Variants in CPQ observed in about 807,000 individuals in gnomAD.
CPQ encodes carboxypeptidase Q, also known as Ser-Met dipeptidase.
CPQ carries 37 observed loss-of-function variants against 45.7 expected under a neutral mutation model. The ratio of observed to expected loss-of-function variants is 0.81; its 90% CI spans 0.62 to 1.07. The LOEUF is 1.07. Ranked by LOEUF, CPQ falls within the 50% of genes least tolerant of loss-of-function variation. The pLI is 0.00. For missense variants in CPQ, 537 were observed against 572.9 expected, an observed-to-expected ratio of 0.94 and a Z score of 0.64; for synonymous variants, 186 against 205.8, an observed-to-expected ratio of 0.90 and a Z score of 0.82.
At position 97,143,217 on chromosome 8, in the gene CPQ, G is replaced by T; in HGVS notation, c.*34G>T. On this transcript the variant is annotated 3_prime_UTR_variant, in exon 8 of 8. Transcript: ENST00000220763. ...AGAAAGAAACGTTTTCATGCTTCTGGCCAGGAATCCTGGGTCTGCAACTTT... is the reference window on the plus strand; with the variant it reads ...AGAAAGAAACGTTTTCATGCTTCTGTCCAGGAATCCTGGGTCTGCAACTTT... 6.2e-7 allele frequency: 1 copy of T among 1,608,022 alleles called. No homozygotes were observed. Among genetic ancestry groups the T allele is most frequent in the Non-Finnish European group, 8.5e-7 (1 of 1,176,630 alleles).
intron 1 of CPQ, among the ~76,000 whole-genome samples, chr8:96,672,674 A>C (rs745890590): frequency 4.6e-5 from 7 of 151,972 alleles, no homozygotes; most frequent in Non-Finnish European, 1.0e-4. Flanking sequence ...GATACTCTGG[A>C]GGCTGAGGCA....
chr8:96,777,365 C>T (rs1473724492), intron 1 of CPQ, among the ~76,000 whole-genome samples: 2 of 151,806 alleles, frequency 1.3e-5, no homozygotes, highest in African/African-American at 2.4e-5. Flanking sequence ...TAGAGTGCTG[C>T]AACAGGAGAC....
chr8:96,899,058 G>A (rs1177707393), intron 4 of CPQ, among the ~76,000 whole-genome samples: 1 of 152,022 alleles, frequency 6.6e-6, no homozygotes, highest in African/African-American at 2.4e-5. Context: ...ATGTCCAGGA[G>A]GCATCTAAGT....
At chr8:96,884,962 C>T (rs1001436040) in intron 4 of CPQ, among the ~76,000 whole-genome samples, 1 of 152,168 alleles carries the variant, frequency 6.6e-6, no homozygotes, top group African/African-American at 2.4e-5. Flanking sequence ...TATCATTATT[C>T]TGCCTGCAGA....
chr8:96,994,922 T>C (rs1809152935), intron 5 of CPQ, among the ~76,000 whole-genome samples: 2 of 152,110 alleles, frequency 1.3e-5, no homozygotes, highest in African/African-American at 4.8e-5. Context: ...AACAGAGGCA[T>C]TTATGACCTT....
intron 1 of CPQ, among the ~76,000 whole-genome samples, chr8:96,778,398 G>A (rs1810643891): frequency 6.6e-6 from 1 of 152,078 alleles, no homozygotes; most frequent in Non-Finnish European, 1.5e-5. Flanking sequence ...TTCCAGCCAG[G>A]AATTACATCA....
At chr8:96,971,860 A>T (rs929184540) in intron 5 of CPQ, among the ~76,000 whole-genome samples, 1 of 152,228 alleles carries the variant, frequency 6.6e-6, no homozygotes, top group Non-Finnish European at 1.5e-5. Context: ...GAAATTGTGA[A>T]GAAGGATTAA....
intron 1 of CPQ, among the ~76,000 whole-genome samples, chr8:96,751,319 G>T (rs1810255706): frequency 6.6e-6 from 1 of 152,004 alleles, no homozygotes; most frequent in Admixed American, 6.6e-5. Flanking sequence ...ACTTTTCAAT[G>T]AACCACCATT....
intron 4 of CPQ, among the ~76,000 whole-genome samples, chr8:96,927,157 G>A (rs1410221484): frequency 2.6e-5 from 4 of 152,192 alleles, no homozygotes; most frequent in Non-Finnish European, 4.4e-5. Flanking sequence ...TGCCTTGAGG[G>A]CAGAGGGCAA....
intron 3 of CPQ, among the ~76,000 whole-genome samples, chr8:96,847,724 C>G (rs1341172720): frequency 6.6e-6 from 1 of 151,800 alleles, no homozygotes; most frequent in East Asian, 1.9e-4. Context: ...ATAGAATATG[C>G]AAATAAAGAT....
intron 1 of CPQ, among the ~76,000 whole-genome samples, chr8:96,772,290 C>T (rs1810553781): frequency 6.6e-6 from 1 of 151,980 alleles, no homozygotes; most frequent in African/African-American, 2.4e-5. Context: ...AGAGCACTTA[C>T]TGATTAACTG....
At chr8:96,703,838 G>T (rs1229543434) in intron 1 of CPQ, among the ~76,000 whole-genome samples, 2 of 152,134 alleles carry the variant, frequency 1.3e-5, no homozygotes, top group East Asian at 3.9e-4. Flanking sequence ...TCTGTAAGGG[G>T]ATTCTTATCC....
intron 7 of CPQ, chr8:97,133,440 C>T (rs985863266): frequency 2.0e-5 from 3 of 152,074 alleles, no homozygotes; most frequent in African/African-American, 7.2e-5. Context: ...AGCATATGAA[C>T]GTGATTGTTC....
chr8:97,012,434 T>G (rs75772508), intron 5 of CPQ, among the ~76,000 whole-genome samples: 1 of 152,100 alleles, frequency 6.6e-6, no homozygotes, highest in African/African-American at 2.4e-5. Flanking sequence ...GGAAAAAAAT[T>G]TAATAGATTG....
At chr8:96,986,101 A>G (rs1361572614) in intron 5 of CPQ, among the ~76,000 whole-genome samples, 1 of 152,156 alleles carries the variant, frequency 6.6e-6, no homozygotes, top group Non-Finnish European at 1.5e-5. Context: ...TGATCTAGAA[A>G]CTGCATCTAC....
chr8:96,797,669 TG>T (rs1273788898), intron 2 of CPQ, among the ~76,000 whole-genome samples: 3 of 151,988 alleles, frequency 2.0e-5, no homozygotes, highest in Non-Finnish European at 4.4e-5. Flanking sequence ...TTAATCTCAG[TG>T]CTTTGGGAGG....
chr8:96,681,476 T>C (rs1809151219), intron 1 of CPQ, among the ~76,000 whole-genome samples: 1 of 152,042 alleles, frequency 6.6e-6, no homozygotes, highest in Non-Finnish European at 1.5e-5. Context: ...AGAACTGAGG[T>C]TTGGGAACCT....
At chr8:96,984,410 A>G (rs1378477854) in intron 5 of CPQ, among the ~76,000 whole-genome samples, 1 of 152,212 alleles carries the variant, frequency 6.6e-6, no homozygotes, top group Admixed American at 6.5e-5. Flanking sequence ...ATCTGCCCAC[A>G]TGAATGGATT....
intron 6 of CPQ, among the ~76,000 whole-genome samples, chr8:97,052,507 A>G (rs1475916074): frequency 6.6e-6 from 1 of 152,212 alleles, no homozygotes; most frequent in Non-Finnish European, 1.5e-5. Flanking sequence ...TTAGCACAAC[A>G]AAGATACAGT....
Sources: allele counts gnomAD v4.1 joint callset (sites outside exome capture counted in the v4.1 genomes callset), GRCh38; gene constraint gnomAD v4.1.1; transcripts MANE v1.5; gene names NCBI Gene and HGNC (gene_info 2026-07-23, HGNC 2026-07-21).